Variants in ITGAE observed in about 807,000 individuals in gnomAD.
ITGAE encodes integrin alpha-E.
Under a neutral mutation model 136.5 loss-of-function variants are expected in ITGAE, and 99 were observed. That is an observed-to-expected ratio of 0.73 (90% CI 0.62 to 0.86). ITGAE has a LOEUF of 0.86. Ranked by LOEUF, ITGAE falls within the 40% of genes least tolerant of loss-of-function variation. ITGAE has a pLI of 0.00. For missense variants in ITGAE, 1,447 were observed against 1,515.3 expected, an observed-to-expected ratio of 0.95 and a Z score of 0.75; for synonymous variants, 613 against 591.8, an observed-to-expected ratio of 1.04 and a Z score of -0.52.
chr17:3,726,321 C>A, intron 26 of ITGAE: 1 of 1,609,278 alleles, frequency 6.2e-7, no homozygotes, highest in Non-Finnish European at 8.5e-7. Flanking sequence ...CCAGCACAGT[C>A]TGTTTAAGTA....
chr17:3,744,446 C>CTCTCTT (rs1555520830), intron 18 of ITGAE, among the ~76,000 whole-genome samples: 1,921 of 128,236 alleles, frequency 0.015, 53 homozygotes, highest in South Asian at 0.051. Flanking sequence ...AGTTCTTTCT[C>CTCTCTT]TTTTTTTTTT....
chr17:3,749,876 C>T (rs569302835), intron 16 of ITGAE, among the ~76,000 whole-genome samples: 7 of 151,910 alleles, frequency 4.6e-5, no homozygotes, highest in African/African-American at 7.3e-5. Context: ...ATTAGCCGGG[C>T]GTGGTGGCAG....
At position 3,719,697 on chromosome 17, in the gene ITGAE, A is replaced by G. The variant is rs186944486; in HGVS notation, c.3333+610T>C. Among the ~76,000 whole-genome samples the G allele has an allele frequency of 2.4e-4, 37 of 152,292 alleles. No homozygotes were observed. In the East Asian group the frequency reaches 6.2e-3, roughly 25 times the overall value. On this transcript the variant is annotated intron_variant, in intron 29 of 30. Transcript: ENST00000263087. ...CTAAGACAGTTACTGGATACAAAAAACAATTTCTCACTTAGGTAATTCATT... is the reference window on the plus strand; with the variant it reads ...CTAAGACAGTTACTGGATACAAAAAGCAATTTCTCACTTAGGTAATTCATT...
In ITGAE at chr17:3,801,155, G is replaced by A. The variant is rs770480611; in HGVS notation, c.-11C>T. 18 of 1,610,506 alleles carry A rather than the reference G, an allele frequency of 1.1e-5. No individual in the cohort carries two copies. The highest frequency in any genetic ancestry group is 1.7e-4 in the Middle Eastern group (1 of 6,058). ...GTGGAAGAGCCACATCCTTGCTGGAGCAGAGGCGGCTGTGTGGGAGCCGAG... is the reference window on the plus strand; with the variant it reads ...GTGGAAGAGCCACATCCTTGCTGGAACAGAGGCGGCTGTGTGGGAGCCGAG... On this transcript the variant is annotated 5_prime_UTR_variant, in exon 1 of 31. Coordinates refer to ENST00000263087, the MANE Select transcript of ITGAE (RefSeq NM_002208.5).
chr17:3,767,382 G>A (rs1351064976), intron 2 of ITGAE, among the ~76,000 whole-genome samples: 1 of 152,064 alleles, frequency 6.6e-6, no homozygotes, highest in Non-Finnish European at 1.5e-5. Context: ...ACAGGTGTGA[G>A]CCACCACACC....
rs72825434 is a variant in ITGAE, at chr17:3,799,458, G to C, written c.34+1653C>G. 0.012 allele frequency among the ~76,000 whole-genome samples: 1,889 copies of C among 152,288 alleles called. 20 individuals carry two copies. Among genetic ancestry groups the C allele is most frequent in the Middle Eastern group, 0.051 (15 of 294 alleles). On this transcript the variant is annotated intron_variant, in intron 1 of 30. Coordinates refer to ENST00000263087, the MANE Select transcript of ITGAE (RefSeq NM_002208.5). The surrounding 1 kb of genome is among the most constrained non-coding windows in gnomAD (Gnocchi z 4.1). Reference sequence around the variant, plus strand: ...TGCCACCTGCTGGAAAAGGCACTGAGGTGATGGGTGGTGGTCTCAGAGGCT... The same window carrying C: ...TGCCACCTGCTGGAAAAGGCACTGACGTGATGGGTGGTGGTCTCAGAGGCT...
At chr17:3,759,146 A>AC (rs2052103513) in intron 8 of ITGAE, among the ~76,000 whole-genome samples, 1 of 151,460 alleles carries the variant, frequency 6.6e-6, no homozygotes, top group Admixed American at 6.6e-5. Context: ...CAAAAAAAAA[A>AC]AACCAGAGCT....
intron 7 of ITGAE, among the ~76,000 whole-genome samples, chr17:3,759,760 C>G (rs533987410): frequency 6.6e-6 from 1 of 152,208 alleles, no homozygotes; most frequent in African/African-American, 2.4e-5. Context: ...CAGACTTCTC[C>G]CCAGCTCCCT....
At chr17:3,779,423 G>A (rs1597361275) in intron 1 of ITGAE, among the ~76,000 whole-genome samples, 1 of 151,952 alleles carries the variant, frequency 6.6e-6, no homozygotes, top group African/African-American at 2.4e-5. Context: ...TGTGTCCCGG[G>A]TTCAAGCGAT....
At chr17:3,733,913 A>G (rs2051402122) in intron 21 of ITGAE, among the ~76,000 whole-genome samples, 1 of 152,222 alleles carries the variant, frequency 6.6e-6, no homozygotes, top group Non-Finnish European at 1.5e-5. Context: ...CTGGGAAACC[A>G]TTAATATGGA....
chr17:3,764,564 G>A (rs1418621006), intron 2 of ITGAE, among the ~76,000 whole-genome samples: 1 of 152,218 alleles, frequency 6.6e-6, no homozygotes, highest in Non-Finnish European at 1.5e-5. Flanking sequence ...GGGCATGGTG[G>A]CGTGTGCCTG....
At chr17:3,783,913 C>T (rs772421831) in intron 1 of ITGAE, among the ~76,000 whole-genome samples, 3 of 152,294 alleles carry the variant, frequency 2.0e-5, no homozygotes, top group Admixed American at 6.5e-5. Context: ...ATACAAAACA[C>T]TACAATGAAA....
chr17:3,716,541 A>T, intron 30 of ITGAE, 147 bp downstream of exon 30: 1 of 639,614 alleles, frequency 1.6e-6, no homozygotes, highest in Non-Finnish European at 2.8e-6. Context: ...ATTTGTCTAA[A>T]TGGGGGTGTG....
rs556811271 is a variant in ITGAE, at chr17:3,776,608, G to A, written c.155+932C>T. On this transcript the variant is annotated intron_variant, in intron 2 of 30. Coordinates refer to ENST00000263087, the MANE Select transcript of ITGAE (RefSeq NM_002208.5). ...GGGTTTTTGTTCTGGAGACAGGCCG[G>A]AGTGCAGTGGTGCAATCACGGCTCC... Among the ~76,000 whole-genome samples, 7 of 152,212 alleles carry A rather than the reference G, an allele frequency of 4.6e-5. No homozygotes were observed. In the South Asian group the frequency reaches 1.5e-3, roughly 32 times the overall value.
rs761897244 is a variant in ITGAE, at chr17:3,755,090, G to C, written c.1384+27C>G. ...GGCCCCGCCCTCATCAGGTGGCCCC[G>C]CCCTCATCAGGTGGCCCCGCCCTCA... is the stretch of plus-strand genomic sequence containing the variant. On this transcript the variant is annotated intron_variant, in intron 12 of 30. Transcript: ENST00000263087. 8.8e-5 allele frequency: 124 copies of C among 1,416,510 alleles called. No homozygotes were observed. In the East Asian group the frequency reaches 1.4e-3, roughly 16 times the overall value. The allele number at this position is 1,416,510 out of a possible 1,614,324, so 87.7% of individuals were successfully genotyped here. A position where few individuals can be genotyped will look rare whatever the true frequency, so the allele number is the denominator to read the frequency against.
chr17:3,777,270 G>A (rs1465409746), intron 2 of ITGAE, among the ~76,000 whole-genome samples: 1 of 152,168 alleles, frequency 6.6e-6, no homozygotes, highest in African/African-American at 2.4e-5. Flanking sequence ...CACTAAAATT[G>A]TCTTTAAGTC....
At position 3,762,132 on chromosome 17, in the gene ITGAE, G is replaced by A. The variant is rs1403423417; in HGVS notation, c.248-150C>T. 1.1e-5 allele frequency: 7 copies of A among 654,170 alleles called. No homozygotes were observed. In the African/African-American group the frequency reaches 1.3e-4, roughly 12 times the overall value. The allele number at this position is 654,170 out of a possible 1,614,324, so 40.5% of individuals were successfully genotyped here. Reference sequence around the variant, plus strand: ...GAAGCCTCTAGAAAGCTAGAGCGGGGGCCTTCAAGGTCAGGACTGGACACG... The same window carrying A: ...GAAGCCTCTAGAAAGCTAGAGCGGGAGCCTTCAAGGTCAGGACTGGACACG... On this transcript the variant is annotated intron_variant, in intron 3 of 30. Transcript: ENST00000263087.
intron 15 of ITGAE, among the ~76,000 whole-genome samples, chr17:3,750,757 C>T (rs767642663): frequency 6.7e-6 from 1 of 149,692 alleles, no homozygotes; most frequent in Non-Finnish European, 1.5e-5. Context: ...GGGCCAGGGA[C>T]GGGGTGGACC....
chr17:3,724,740 T>A (rs763538473), intron 26 of ITGAE: 2 of 1,613,514 alleles, frequency 1.2e-6, no homozygotes, highest in African/African-American at 2.7e-5. Context: ...TATGAGAGAG[T>A]CCTGCTGTAA....
Sources: gnomAD v4.1 joint callset for allele counts (sites outside exome capture counted in the v4.1 genomes callset) on GRCh38, gnomAD v4.1.1 for gene constraint, Gnocchi (gnomAD v3.1) non-coding constraint, MANE v1.5 for transcripts, NCBI Gene and HGNC (gene_info 2026-07-23, HGNC 2026-07-21) for gene names.